DLGAP2: variants seen among roughly 807,000 people sequenced by gnomAD.
DLGAP2 encodes disks large-associated protein 2.
DLGAP2 carries 26 observed loss-of-function variants against 100.3 expected under a neutral mutation model. That is an observed-to-expected ratio of 0.26 (90% CI 0.19 to 0.36). The LOEUF (loss-of-function observed/expected upper bound fraction) is 0.36. Among genes scored for constraint, DLGAP2 ranks in the 10% least tolerant of loss-of-function variants. The pLI is 1.00. For missense variants in DLGAP2, 1,858 were observed against 1,453.2 expected (o/e 1.28, Z -4.53); for synonymous variants, 886 against 630.1 (o/e 1.41, Z -6.08).
chr8:1,350,259 C>T (rs60084601), intron 3 of DLGAP2, among the ~76,000 whole-genome samples: 17,189 of 39,632 alleles, frequency 0.43, 3,761 homozygotes, highest in East Asian at 0.68. Flanking sequence ...GGGTCCTGAG[C>T]ATGTGTGGAA....
chr8:1,006,322 G>C (rs149697956), intron 2 of DLGAP2, among the ~76,000 whole-genome samples: 4 of 152,076 alleles, frequency 2.6e-5, no homozygotes, highest in African/African-American at 9.7e-5. Context: ...CTCAGAATAC[G>C]GTCCTTTATC....
At chr8:1,101,026 G>T (rs549350395) in intron 2 of DLGAP2, among the ~76,000 whole-genome samples, 1 of 152,168 alleles carries the variant, frequency 6.6e-6, no homozygotes, top group Non-Finnish European at 1.5e-5. Flanking sequence ...CTGGTCCCAC[G>T]TGGGGTTTCT....
intron 2 of DLGAP2, among the ~76,000 whole-genome samples, chr8:1,096,333 A>G (rs1804365500): frequency 6.6e-6 from 1 of 152,244 alleles, no homozygotes; most frequent in Admixed American, 6.5e-5. Context: ...GTGTGGGCTC[A>G]GGGCACCAGC....
intron 2 of DLGAP2, among the ~76,000 whole-genome samples, chr8:978,750 G>A (rs1288503427): frequency 6.6e-6 from 1 of 152,104 alleles, no homozygotes; most frequent in African/African-American, 2.4e-5. Flanking sequence ...CATCTGGTAA[G>A]GCATTTCAAT....
chr8:1,138,594 C>T (rs772161205), intron 2 of DLGAP2, among the ~76,000 whole-genome samples: 6 of 152,222 alleles, frequency 3.9e-5, no homozygotes, highest in Non-Finnish European at 7.3e-5. Context: ...AGTTCAAGTG[C>T]GAATAAAGTG....
At chr8:1,195,177 G>C (rs1292087476) in intron 2 of DLGAP2, among the ~76,000 whole-genome samples, 1 of 152,244 alleles carries the variant, frequency 6.6e-6, no homozygotes, top group Non-Finnish European at 1.5e-5. Context: ...GAAGAGACGA[G>C]GGTGTCAGGA....
At chr8:1,305,379 T>C (rs1800466539) in intron 3 of DLGAP2, among the ~76,000 whole-genome samples, 1 of 152,190 alleles carries the variant, frequency 6.6e-6, no homozygotes, top group Non-Finnish European at 1.5e-5. Flanking sequence ...TTTAGATAAT[T>C]CGTGTGTTTA....
intron 2 of DLGAP2, among the ~76,000 whole-genome samples, chr8:1,073,777 C>G (rs1466951594): frequency 6.6e-6 from 1 of 152,240 alleles, no homozygotes; most frequent in African/African-American, 2.4e-5. Context: ...AACTGCCGTT[C>G]CTTCCCAAAC....
intron 3 of DLGAP2, among the ~76,000 whole-genome samples, chr8:1,313,635 G>C (rs971269120): frequency 1.3e-5 from 2 of 152,122 alleles, no homozygotes; most frequent in African/African-American, 4.8e-5. Context: ...GTGGATTCAG[G>C]CTTCACAGCG....
At chr8:1,421,533 G>C (rs1157625642) in intron 3 of DLGAP2, among the ~76,000 whole-genome samples, 1 of 152,104 alleles carries the variant, frequency 6.6e-6, no homozygotes, top group South Asian at 2.1e-4. Context: ...TCCATGGGGT[G>C]GGGGGAATTT....
intron 2 of DLGAP2, among the ~76,000 whole-genome samples, chr8:924,830 C>G (rs1798780483): frequency 6.6e-6 from 1 of 152,150 alleles, no homozygotes. Context: ...AGGTGATCCA[C>G]CTGCCTTGGC....
At chr8:1,054,915 A>G (rs999391193) in intron 2 of DLGAP2, among the ~76,000 whole-genome samples, 42 of 152,376 alleles carry the variant, frequency 2.8e-4, no homozygotes, top group African/African-American at 9.4e-4. Context: ...ACTAGAACAA[A>G]ATAATAACAG....
chr8:796,751 C>T lies in DLGAP2; in HGVS notation c.18+58926C>T, dbSNP rs570893262. On this transcript the variant is annotated intron_variant, in intron 1 of 14. Transcript: ENST00000637795. ...TTGTGGTGTATGACGCCTTCATGGC[C>T]CCATGCCCGCACTATAACATGCCAG... Among the ~76,000 whole-genome samples the T allele has an allele frequency of 1.4e-4, 21 of 152,278 alleles. No individual in the cohort carries two copies. The South Asian group carries it at 3.9e-3, about 29-fold the overall frequency.
intron 14 of DLGAP2, among the ~76,000 whole-genome samples, chr8:1,697,793 T>C (rs565176696): frequency 6.6e-6 from 1 of 152,356 alleles, no homozygotes; most frequent in East Asian, 1.9e-4. Flanking sequence ...AACCGTTTGA[T>C]GAATTAATCT....
At position 1,533,330 on chromosome 8, in the gene DLGAP2, C is replaced by G. The variant is rs796121365; in HGVS notation, c.173-15296C>G. Among the ~76,000 whole-genome samples the G allele has an allele frequency of 4.6e-5, 7 of 151,950 alleles. 1 individual carries two copies. Among genetic ancestry groups the G allele is most frequent in the South Asian group, 2.1e-4 (1 of 4,808 alleles). On this transcript the variant is annotated intron_variant, in intron 4 of 14. Coordinates refer to ENST00000637795, the MANE Select transcript of DLGAP2 (RefSeq NM_001346810.2). ...TGGCTAACATGGTGAAACCCCGTCT[C>G]TACTAAAAATACAAACAAAAAAAAA... is the stretch of plus-strand genomic sequence containing the variant.
intron 1 of DLGAP2, among the ~76,000 whole-genome samples, chr8:747,124 C>T (rs545139022): frequency 3.0e-4 from 45 of 152,016 alleles, no homozygotes; most frequent in Non-Finnish European, 4.9e-4. Context: ...ACTGGAAAGC[C>T]GGCCTGTCCT....
rs1269545470 is a variant in DLGAP2, at chr8:1,549,140, C to A, written c.687C>A (p.Ile229=). The change falls in exon 5 of 15, where the codon ATC becomes ATA. Residue 229 remains isoleucine, a synonymous_variant. Coordinates refer to ENST00000637795, the MANE Select transcript of DLGAP2 (RefSeq NM_001346810.2). ...AEQRSESPGR[I]RHLVHSVQKL... ...AGCGCAGCGAGAGCCCCGGGCGGAT[C>A]CGCCACCTGGTACACTCCGTGCAGA... 1 of 1,592,302 alleles carries A rather than the reference C, an allele frequency of 6.3e-7. No individual in the cohort carries two copies. Among genetic ancestry groups the A allele is most frequent in the East Asian group, 2.3e-5 (1 of 43,674 alleles).
chr8:1,624,680 G>A (rs1797444705), intron 6 of DLGAP2, among the ~76,000 whole-genome samples: 1 of 152,014 alleles, frequency 6.6e-6, no homozygotes, highest in Non-Finnish European at 1.5e-5. Context: ...AGGAGGGGAG[G>A]GGACAGGGCC....
At chr8:1,406,653 G>C (rs1349795691) in intron 3 of DLGAP2, among the ~76,000 whole-genome samples, 1 of 30,382 alleles carries the variant, frequency 3.3e-5, no homozygotes, top group Non-Finnish European at 5.6e-5. Context: ...CTCCGGAGTC[G>C]TGTATTGAGT....
Sources: allele counts gnomAD v4.1 joint callset (sites outside exome capture counted in the v4.1 genomes callset), GRCh38; gene constraint gnomAD v4.1.1; transcripts MANE v1.5; gene names NCBI Gene and HGNC (gene_info 2026-07-23, HGNC 2026-07-21).